PHF14: variants seen among roughly 807,000 people sequenced by gnomAD.
The protein encoded by PHF14 is PHD finger protein 14.
A neutral mutation model predicts 117.9 loss-of-function variants in PHF14; 55 were observed. The observed-to-expected ratio is 0.47, with a 90% CI of 0.38 to 0.58. The LOEUF (loss-of-function observed/expected upper bound fraction) is 0.58. Ranked by LOEUF, PHF14 falls within the 20% of genes least tolerant of loss-of-function variation. PHF14 has a pLI of 0.00. For synonymous variants in PHF14, 409 were observed against 368.6 expected (o/e 1.11, Z -1.26); for missense variants, 978 against 1,122.2 (o/e 0.87, Z 1.84).
chr7:10,999,955 A>G (rs1782802959), intron 4 of PHF14, among the ~76,000 whole-genome samples: 1 of 152,208 alleles, frequency 6.6e-6, no homozygotes, highest in African/African-American at 2.4e-5. Context: ...CCTAAAACTA[A>G]TTCATTAGAA....
chr7:10,996,619 G>A (rs934000469), intron 4 of PHF14, among the ~76,000 whole-genome samples: 5 of 152,114 alleles, frequency 3.3e-5, no homozygotes, highest in African/African-American at 4.8e-5. Flanking sequence ...TTGATAAAAT[G>A]TTTATATCAC....
chr7:10,993,409 C>A (rs1782529196), intron 4 of PHF14, among the ~76,000 whole-genome samples: 1 of 151,996 alleles, frequency 6.6e-6, no homozygotes, highest in Non-Finnish European at 1.5e-5. Context: ...TGGAGCTGCC[C>A]TTTTTTTGCT....
chr7:11,044,110 A>T (rs564760324), intron 13 of PHF14, among the ~76,000 whole-genome samples: 1 of 152,184 alleles, frequency 6.6e-6, no homozygotes, highest in South Asian at 2.1e-4. Flanking sequence ...GCATGTTCTC[A>T]CTTACAGGTG....
At chr7:11,073,815 T>A (rs1785716516) in intron 16 of PHF14, among the ~76,000 whole-genome samples, 1 of 152,166 alleles carries the variant, frequency 6.6e-6, no homozygotes, top group African/African-American at 2.4e-5. Context: ...TTTTTCACTC[T>A]CGCATTCTGT....
chr7:11,052,322 T>C (rs1412760399), intron 14 of PHF14, among the ~76,000 whole-genome samples: 1 of 152,218 alleles, frequency 6.6e-6, no homozygotes, highest in Non-Finnish European at 1.5e-5. Flanking sequence ...TTGTAGTTTA[T>C]TTATTGTCAC....
In PHF14 at chr7:11,162,072, CTTTTTTTTTTTTTTTTT is replaced by C. The variant is rs564998009; in HGVS notation, c.2773-7326_2773-7310del. ...TCAGCAGGATATCTTAAAAATATGT[CTTTTTTTTTTTTTTTTT>C]TTTTTTTTTTTTTTTTTGAGACAGA... On this transcript the variant is annotated intron_variant, in intron 17 of 17. Transcript: ENST00000634607. Among the ~76,000 whole-genome samples, 217 of 70,312 alleles carry C rather than the reference CTTTTTTTTTTTTTTTTT, an allele frequency of 3.1e-3. 1 individual carries two copies. The highest frequency in any genetic ancestry group is 7.8e-3 in the African/African-American group (190 of 24,286). The allele number at this position is 70,312 out of a possible 152,430, so 46.1% of individuals were successfully genotyped here. A position where few individuals can be genotyped will look rare whatever the true frequency, so the allele number is the denominator to read the frequency against.
intron 17 of PHF14, among the ~76,000 whole-genome samples, chr7:11,146,398 TG>T (rs1331832964): frequency 6.6e-6 from 1 of 152,210 alleles, no homozygotes; most frequent in Non-Finnish European, 1.5e-5. Context: ...CTCCAGCTGT[TG>T]CCCCATTTCT....
intron 16 of PHF14, chr7:11,105,570 G>A: frequency 1.0e-6 from 1 of 983,354 alleles, no homozygotes; most frequent in Non-Finnish European, 1.2e-6. Context: ...TTGTTTAAGA[G>A]ACTCAACTTG....
chr7:11,004,053 G>C (rs145410191), intron 4 of PHF14, among the ~76,000 whole-genome samples: 2,027 of 152,010 alleles, frequency 0.013, 42 homozygotes, highest in African/African-American at 0.046. Context: ...TTTGAGACCA[G>C]CCTGGGCAAT....
At chr7:10,977,940 G>C (rs558254012) in intron 2 of PHF14, among the ~76,000 whole-genome samples, 2 of 152,262 alleles carry the variant, frequency 1.3e-5, no homozygotes, top group East Asian at 3.9e-4. Flanking sequence ...TTAATTGAAT[G>C]TTTTAAAGAA....
Position 11,000,180 on chromosome 7 carries a change from TAAA to T in PHF14, c.1045+9337_1045+9339del, listed in dbSNP as rs1156665487. 2.0e-5 allele frequency among the ~76,000 whole-genome samples: 3 copies of T among 152,158 alleles called. 1 individual carries two copies. Among genetic ancestry groups the T allele is most frequent in the South Asian group, 4.1e-4 (2 of 4,832 alleles). ...AAAAGGTCAAAAATACGTTTTGACT[TAAA>T]AAATTACGCTACTACTTTCATCCTC... On this transcript the variant is annotated intron_variant, in intron 4 of 17. Coordinates refer to ENST00000634607, the MANE Select transcript of PHF14 (RefSeq NM_001007157.2).
intron 10 of PHF14, among the ~76,000 whole-genome samples, chr7:11,038,358 G>C (rs1784378199): frequency 6.6e-6 from 1 of 151,202 alleles, no homozygotes; most frequent in Non-Finnish European, 1.5e-5. Flanking sequence ...TTGAACCCAG[G>C]AGGTGGTGGT....
chr7:11,048,231 G>C (rs1784740516), intron 13 of PHF14, among the ~76,000 whole-genome samples: 1 of 152,096 alleles, frequency 6.6e-6, no homozygotes, highest in African/African-American at 2.4e-5. Context: ...AAAGAAGCCA[G>C]GTATGTATTT....
chr7:11,101,050 CTTTGAT>C (rs1787068028), intron 16 of PHF14, among the ~76,000 whole-genome samples: 1 of 151,840 alleles, frequency 6.6e-6, no homozygotes, highest in Non-Finnish European at 1.5e-5. Context: ...CAAACTTGAT[CTTTGAT>C]TTAAAATACT....
At chr7:11,140,700 T>C (rs538072510) in intron 17 of PHF14, among the ~76,000 whole-genome samples, 1 of 152,222 alleles carries the variant, frequency 6.6e-6, no homozygotes, top group African/African-American at 2.4e-5. Context: ...GAAGTTGAAA[T>C]AATAGGATTT....
intron 5 of PHF14, among the ~76,000 whole-genome samples, chr7:11,014,268 G>A (rs778615625): frequency 1.1e-4 from 17 of 152,114 alleles, no homozygotes; most frequent in Non-Finnish European, 2.2e-4. Flanking sequence ...ACCTAGATCT[G>A]TATAACTTTA....
chr7:11,144,847 A>G (rs950503986), intron 17 of PHF14, among the ~76,000 whole-genome samples: 2 of 152,000 alleles, frequency 1.3e-5, no homozygotes, highest in African/African-American at 4.8e-5. Context: ...AGCCAGTCAC[A>G]AAAAGACAGA....
chr7:11,070,149 G>A (rs934183087), intron 16 of PHF14, among the ~76,000 whole-genome samples: 6 of 152,094 alleles, frequency 3.9e-5, no homozygotes, highest in Admixed American at 3.3e-4. Flanking sequence ...CATGATCACA[G>A]CTCACTGCAG....
chr7:11,126,500 A>G (rs1165040793), intron 17 of PHF14, among the ~76,000 whole-genome samples: 1 of 152,074 alleles, frequency 6.6e-6, no homozygotes, highest in East Asian at 1.9e-4. Flanking sequence ...ATTTTTTAGT[A>G]TTCTCAAATC....
Sources: gnomAD v4.1 joint callset for allele counts (sites outside exome capture counted in the v4.1 genomes callset) on GRCh38, gnomAD v4.1.1 for gene constraint, MANE v1.5 for transcripts, NCBI Gene and HGNC (gene_info 2026-07-23, HGNC 2026-07-21) for gene names.